The following NEMF variants were observed in gnomAD, a reference collection of about 807,000 sequenced individuals.
NEMF encodes nuclear export mediator factor.
A neutral mutation model predicts 162.2 loss-of-function variants in NEMF; 89 were observed. The ratio of observed to expected loss-of-function variants is 0.55; its 90% CI spans 0.46 to 0.65. The LOEUF (loss-of-function observed/expected upper bound fraction) is 0.65, where lower values mean the gene tolerates loss of function less well. Ranked by LOEUF, NEMF falls within the 30% of genes least tolerant of loss-of-function variation. The pLI, the probability that NEMF is intolerant of heterozygous loss-of-function variation, is 0.00. For missense variants in NEMF, 1,133 were observed against 1,261.9 expected, an observed-to-expected ratio of 0.90 and a Z score of 1.55; for synonymous variants, 421 against 404.5, an observed-to-expected ratio of 1.04 and a Z score of -0.49.
At chr14:49,800,374 A>G in intron 23 of NEMF, 46 bp downstream of exon 23, 2 of 1,371,344 alleles carry the variant, frequency 1.5e-6, no homozygotes, top group South Asian at 1.4e-5. Context: ...CCTCATCATC[A>G]TTCTCAGCTT....
chr14:49,824,215 G>A (rs183272329), intron 16 of NEMF, among the ~76,000 whole-genome samples: 1 of 151,558 alleles, frequency 6.6e-6, no homozygotes, highest in East Asian at 2.0e-4. Flanking sequence ...AATAATACCA[G>A]ATTTCTCAAG....
In NEMF at chr14:49,802,742, G is replaced by A. The variant is rs113161162; in HGVS notation, c.1916-15C>T. 80 of 1,588,140 alleles carry A rather than the reference G, an allele frequency of 5.0e-5. No individual in the cohort carries two copies. Among genetic ancestry groups the A allele is most frequent in the Middle Eastern group, 3.4e-4 (2 of 5,828 alleles). On this transcript the variant is annotated splice_polypyrimidine_tract_variant and intron_variant, in intron 20 of 32. Coordinates refer to ENST00000298310, the MANE Select transcript of NEMF (RefSeq NM_004713.6). ...ATTCTTTTTTCCTACAAAAGATAACGTACATTAATGCTTTGAAAATCAGTC... is the reference window on the plus strand; with the variant it reads ...ATTCTTTTTTCCTACAAAAGATAACATACATTAATGCTTTGAAAATCAGTC...
In NEMF at chr14:49,782,799, A is replaced by G; in HGVS notation, c.*1837T>C. The G allele has an allele frequency of 6.2e-7, 1 of 1,602,730 alleles. No homozygotes were observed. The highest frequency in any genetic ancestry group is 8.5e-7 in the Non-Finnish European group (1 of 1,175,572). ...ATGTACTTCCAAACAGTAAAGTGAA[A>G]TTACTTTTCTCTTTCCTTGTCCACT... On this transcript the variant is annotated 3_prime_UTR_variant, in exon 33 of 33. Transcript: ENST00000298310.
intron 3 of NEMF, 53 bp downstream of exon 3, chr14:49,851,510 T>A (rs1327230257): frequency 4.0e-6 from 5 of 1,249,054 alleles, no homozygotes; most frequent in Non-Finnish European, 5.9e-6. Context: ...ATTAAAAACT[T>A]AATTGTTAGT....
chr14:49,831,198 A>G (rs1892616837), intron 11 of NEMF, 101 bp downstream of exon 11: 2 of 683,752 alleles, frequency 2.9e-6, no homozygotes, highest in Non-Finnish European at 5.2e-6. Context: ...TTCCCATACT[A>G]CTTCTTACAC....
rs1331595906 is a variant in NEMF, at chr14:49,795,855, A to G, written c.2555T>C (p.Ile852Thr). 6.2e-7 allele frequency: 1 copy of G among 1,613,616 alleles called. No individual in the cohort carries two copies. Among genetic ancestry groups the G allele is most frequent in the Non-Finnish European group, 8.5e-7 (1 of 1,179,736 alleles). Residue 852 changes from isoleucine (I) to threonine (T), a missense_variant, in exon 26 of 33, where the codon ATT (isoleucine) becomes ACT (threonine). This residue lies in a region of NEMF where 532 missense variants were observed against 578.6 expected (regional missense o/e 0.92). Coordinates refer to ENST00000298310, the MANE Select transcript of NEMF (RefSeq NM_004713.6). ...TTTGCTTGTGTTCTGATGAGTTTCA[A>G]TGTGTACAGTACTTTCTTTTTCTTT... ...KDKEKESTVH[I>T]ETHQNTSKNV...
chr14:49,814,350 G>A (rs1891623856), intron 17 of NEMF, among the ~76,000 whole-genome samples: 1 of 151,702 alleles, frequency 6.6e-6, no homozygotes, highest in African/African-American at 2.4e-5. Flanking sequence ...TGATCCACCT[G>A]CCTCAGCCTC....
chr14:49,834,989 G>A (rs929046775), intron 6 of NEMF, among the ~76,000 whole-genome samples: 3 of 152,066 alleles, frequency 2.0e-5, no homozygotes, highest in African/African-American at 4.8e-5. Context: ...ACCTGAGGTC[G>A]GGAGTTGGAG....
At chr14:49,817,157 GAC>G (rs1171055416) in intron 16 of NEMF, among the ~76,000 whole-genome samples, 1 of 150,416 alleles carries the variant, frequency 6.6e-6, no homozygotes, top group Non-Finnish European at 1.5e-5. Flanking sequence ...GATGAAAAAA[GAC>G]AGGCCAGGCG....
At position 49,846,297 on chromosome 14, in the gene NEMF, G is replaced by C. The variant is rs375795681; in HGVS notation, c.232-32C>G. The stretch of plus-strand genomic sequence containing the variant: ...AGAGAAAGAAAAAGGCATTCATTTA[G>C]TAAAAGTGAATTCCTAACCATTTGG... On this transcript the variant is annotated intron_variant, in intron 3 of 32. Coordinates refer to ENST00000298310, the MANE Select transcript of NEMF (RefSeq NM_004713.6). The C allele has an allele frequency of 6.4e-5, 102 of 1,600,180 alleles. No individual in the cohort carries two copies. In the African/African-American group the frequency reaches 1.3e-3, roughly 21 times the overall value.
At chr14:49,814,197 TCAGG>T (rs1891616439) in intron 17 of NEMF, 147 bp from the exon 18 acceptor site, 1 of 567,342 alleles carries the variant, frequency 1.8e-6, no homozygotes, top group South Asian at 2.0e-5. Flanking sequence ...CCCCCAAGGT[TCAGG>T]CAATTCTCCC....
At chr14:49,836,209 A>G (rs1259753316) in intron 6 of NEMF, among the ~76,000 whole-genome samples, 1 of 152,072 alleles carries the variant, frequency 6.6e-6, no homozygotes, top group Non-Finnish European at 1.5e-5. Context: ...AACCCAGGAA[A>G]TGGAGGTTGC....
Position 49,782,402 on chromosome 14 carries a change from GAGAAGTAATTGTTTTTGGT to G in NEMF, c.*2215_*2233del. 1 of 1,612,564 alleles carries G rather than the reference GAGAAGTAATTGTTTTTGGT, an allele frequency of 6.2e-7. No individual in the cohort carries two copies. The highest frequency in any genetic ancestry group is 8.5e-7 in the Non-Finnish European group (1 of 1,178,688). ...CACACAGCTTGTGCCAGCGATGAAG[GAGAAGTAATTGTTTTTGGT>G]GGATGTGCCAACAACTTGCTTGTCC... is the stretch of plus-strand genomic sequence containing the variant. On this transcript the variant is annotated 3_prime_UTR_variant, in exon 33 of 33. Coordinates refer to ENST00000298310, the MANE Select transcript of NEMF (RefSeq NM_004713.6).
chr14:49,817,215 G>A (rs1409844921), intron 16 of NEMF, among the ~76,000 whole-genome samples: 1 of 152,188 alleles, frequency 6.6e-6, no homozygotes, highest in East Asian at 1.9e-4. Flanking sequence ...GGCCAACGCA[G>A]GCATATCACT....
intron 15 of NEMF, 41 bp from the exon 16 acceptor site, chr14:49,825,996 T>C (rs1156261216): frequency 2.9e-6 from 4 of 1,389,866 alleles, no homozygotes; most frequent in Non-Finnish European, 4.0e-6. Context: ...TTGTTAAGAA[T>C]GTATTTAAAT....
chr14:49,844,210 T>C (rs1273695576), intron 4 of NEMF, among the ~76,000 whole-genome samples: 1 of 151,974 alleles, frequency 6.6e-6, no homozygotes, highest in Non-Finnish European at 1.5e-5. Flanking sequence ...TGCAGGGGTA[T>C]GGTTTCCGGA....
rs775365639 is a variant in NEMF, at chr14:49,782,453, G to C, written c.*2183C>G. 4 of 1,610,792 alleles carry C rather than the reference G, an allele frequency of 2.5e-6. No individual in the cohort carries two copies. The highest frequency in any genetic ancestry group is 3.4e-6 in the Non-Finnish European group (4 of 1,177,364). Reference sequence around the variant, plus strand: ...GCCAACAACTTGCTTGTCCATCACAGAGCTGTAAGTATACTACCTTCACAT... The same window carrying C: ...GCCAACAACTTGCTTGTCCATCACACAGCTGTAAGTATACTACCTTCACAT... On this transcript the variant is annotated 3_prime_UTR_variant, in exon 33 of 33. Coordinates refer to ENST00000298310, the MANE Select transcript of NEMF (RefSeq NM_004713.6).
At chr14:49,838,774 C>T (rs748817624) in intron 5 of NEMF, among the ~76,000 whole-genome samples, 4 of 151,872 alleles carry the variant, frequency 2.6e-5, no homozygotes, top group Non-Finnish European at 5.9e-5. Flanking sequence ...TTAGTAGAGA[C>T]GGGGTTTCAC....
intron 16 of NEMF, among the ~76,000 whole-genome samples, chr14:49,816,127 A>G (rs1011189567): frequency 1.3e-5 from 2 of 152,046 alleles, no homozygotes; most frequent in Non-Finnish European, 2.9e-5. Context: ...ATTTATCCCA[A>G]TCTTCTCTTT....
Sources: allele counts gnomAD v4.1 joint callset (sites outside exome capture counted in the v4.1 genomes callset), GRCh38; gene constraint gnomAD v4.1.1; regional missense constraint gnomAD v4.1.1; transcripts MANE v1.5; gene names NCBI Gene and HGNC (gene_info 2026-07-23, HGNC 2026-07-21).